Variants in TBCD observed in about 807,000 individuals in gnomAD.
TBCD encodes the protein tubulin-specific chaperone D.
Under a neutral mutation model 169.3 loss-of-function variants are expected in TBCD, and 105 were observed. The ratio of observed to expected loss-of-function variants is 0.62; its 90% CI spans 0.53 to 0.73. The LOEUF (loss-of-function observed/expected upper bound fraction) is 0.73, where lower values mean the gene tolerates loss of function less well. TBCD is among the 30% of genes least tolerant of loss of function. The pLI, the probability that TBCD is intolerant of heterozygous loss-of-function variation, is 0.00. For missense variants in TBCD, 1,444 were observed against 1,600.1 expected (o/e 0.90, Z 1.66); for synonymous variants, 700 against 643.9 (o/e 1.09, Z -1.32).
Position 82,786,957 on chromosome 17 carries a change from C to T in TBCD, c.771+5236C>T, listed in dbSNP as rs559770541. Among the ~76,000 whole-genome samples the T allele has an allele frequency of 1.4e-4, 21 of 151,458 alleles. 2 individuals carry two copies. The South Asian group carries it at 4.2e-3, about 30-fold the overall frequency. ...ATACCCAGAGGGTGGGTGGGCGGGA[C>T]GGCTCGCTGCCCCATTCCCCTCCTA... On this transcript the variant is annotated intron_variant, in intron 7 of 38. Transcript: ENST00000355528.
chr17:82,839,782 C>G (rs1485371679), intron 13 of TBCD: 3 of 152,242 alleles, frequency 2.0e-5, no homozygotes, highest in Non-Finnish European at 4.4e-5. Context: ...AGCCATGCAC[C>G]TGCTGGGTCC....
intron 13 of TBCD, among the ~76,000 whole-genome samples, chr17:82,816,597 A>G (rs922192974): frequency 6.6e-6 from 1 of 151,486 alleles, no homozygotes; most frequent in African/African-American, 2.4e-5. Flanking sequence ...GTGGTGATGC[A>G]ATCTCTGCTC....
intron 22 of TBCD, among the ~76,000 whole-genome samples, chr17:82,909,783 G>A (rs1258526430): frequency 6.6e-6 from 1 of 152,212 alleles, no homozygotes; most frequent in East Asian, 1.9e-4. Context: ...GCGTTTCCTC[G>A]TTCCCAGGAC....
chr17:82,886,967 C>T (rs527563538), intron 15 of TBCD, among the ~76,000 whole-genome samples: 84 of 151,800 alleles, frequency 5.5e-4, no homozygotes, highest in Admixed American at 9.8e-4. Context: ...CTGTGCCTGG[C>T]GGAGATTTAC....
At chr17:82,940,309 T>G (rs898084690) in intron 37 of TBCD, among the ~76,000 whole-genome samples, 1 of 152,000 alleles carries the variant, frequency 6.6e-6, no homozygotes, top group Middle Eastern at 3.2e-3. Context: ...AACCAGAGGC[T>G]GTGTGGGTGT....
rs761646138 is a variant in TBCD, at chr17:82,832,000, G to A, written c.1318+17066G>A. 3.7e-5 allele frequency: 59 copies of A among 1,612,796 alleles called. No homozygotes were observed. The highest frequency in any genetic ancestry group is 5.0e-5 in the Non-Finnish European group (59 of 1,179,034). On this transcript the variant is annotated intron_variant, in intron 13 of 38. Coordinates refer to ENST00000355528, the MANE Select transcript of TBCD (RefSeq NM_005993.5). The surrounding 1 kb of genome is among the most constrained non-coding windows in gnomAD (Gnocchi z 4.6). ...AGAAGGCCGAGCTGCGCCTTCCAGA[G>A]CAGGCTGGGCACCGAGGGCGGCTTC...
chr17:82,924,434 G>C (rs1358250285), intron 26 of TBCD, among the ~76,000 whole-genome samples: 1 of 152,238 alleles, frequency 6.6e-6, no homozygotes, highest in Non-Finnish European at 1.5e-5. Context: ...CTGAAGTTCA[G>C]GCTTGCTTCT....
intron 4 of TBCD, 120 bp from the exon 5 acceptor site, chr17:82,768,299 GC>G: frequency 8.4e-7 from 1 of 1,197,466 alleles, no homozygotes; most frequent in Non-Finnish European, 1.2e-6. Flanking sequence ...GAGGGTGATG[GC>G]ATTTGAATGG....
intron 4 of TBCD, among the ~76,000 whole-genome samples, chr17:82,767,734 A>T (rs1358569580): frequency 6.6e-6 from 1 of 152,108 alleles, no homozygotes; most frequent in Non-Finnish European, 1.5e-5. Flanking sequence ...AGGTGGGCGG[A>T]TCACGAGGTC....
chr17:82,904,740 G>T (rs1268821478), intron 19 of TBCD, among the ~76,000 whole-genome samples: 1 of 152,184 alleles, frequency 6.6e-6, no homozygotes, highest in Non-Finnish European at 1.5e-5. Context: ...TGAACATCCT[G>T]TGGGGGCTCG....
chr17:82,894,533 G>C lies in TBCD; in HGVS notation c.1649+901G>C, dbSNP rs35620750. ...AGGACGTTTCTCCGTCACCAGCCTG[G>C]GCAGAATTTTGAAAATGTAGCATTT... is the stretch of plus-strand genomic sequence containing the variant. On this transcript the variant is annotated intron_variant, in intron 17 of 38. Transcript: ENST00000355528. Among the ~76,000 whole-genome samples the C allele has an allele frequency of 8.3e-3, 1,264 of 152,292 alleles. 3 individuals carry two copies. Among genetic ancestry groups the C allele is most frequent in the Non-Finnish European group, 0.013 (866 of 68,024 alleles).
At chr17:82,847,056 A>G (rs889493162) in intron 13 of TBCD, among the ~76,000 whole-genome samples, 1 of 152,194 alleles carries the variant, frequency 6.6e-6, no homozygotes, top group African/African-American at 2.4e-5. Flanking sequence ...TTGGTTTCTC[A>G]TTAAAAAGAA....
chr17:82,859,966 C>G (rs1047959920), intron 13 of TBCD: 9 of 884,572 alleles, frequency 1.0e-5, no homozygotes, highest in Non-Finnish European at 1.1e-5. Flanking sequence ...TGGTCCTGCT[C>G]TTGGGCTTCA....
At chr17:82,856,007 T>TC (rs2056250440) in intron 13 of TBCD, among the ~76,000 whole-genome samples, 1 of 142,154 alleles carries the variant, frequency 7.0e-6, no homozygotes. Flanking sequence ...TTTTTTTTTT[T>TC]TTTTTTTTTT....
chr17:82,854,913 G>T (rs1051855226), intron 13 of TBCD, among the ~76,000 whole-genome samples: 1 of 152,236 alleles, frequency 6.6e-6, no homozygotes, highest in African/African-American at 2.4e-5. Context: ...GGCCCTGATC[G>T]CATTCATGAA....
At chr17:82,829,993 T>G in intron 13 of TBCD, 2 of 1,139,378 alleles carry the variant, frequency 1.8e-6, no homozygotes, top group Non-Finnish European at 2.4e-6. Flanking sequence ...AATTGGAGGG[T>G]TTTTTGTTTG....
chr17:82,784,185 C>G (rs1276167134), intron 7 of TBCD, among the ~76,000 whole-genome samples: 2 of 152,012 alleles, frequency 1.3e-5, no homozygotes, highest in African/African-American at 4.8e-5. Flanking sequence ...GTACACAACA[C>G]TAGTTTTTAA....
In TBCD at chr17:82,920,615, A is replaced by G. The variant is rs760748975; in HGVS notation, c.2098A>G (p.Ile700Val). The G allele has an allele frequency of 5.9e-5, 92 of 1,550,748 alleles. No homozygotes were observed. Among genetic ancestry groups the G allele is most frequent in the Non-Finnish European group, 7.8e-5 (89 of 1,147,524 alleles). ...AATGCCCTTTAGAGGTGACACCGTA[A>G]TTGGTAAGTGCTTTTGTTTTTAATA... Reference protein sequence around the residue: ...SKMPFRGDTVIDGWQWLINDT... With the variant: ...SKMPFRGDTVVDGWQWLINDT... The change falls in exon 24 of 39, where the codon ATT becomes GTT. Residue 700 changes from isoleucine to valine, a missense_variant. Coordinates refer to ENST00000355528, the MANE Select transcript of TBCD (RefSeq NM_005993.5). This position sits in a 1 kb window ranked among gnomAD's most constrained non-coding sequence, Gnocchi z 4.1.
chr17:82,776,328 G>A (rs1430675492), intron 6 of TBCD, among the ~76,000 whole-genome samples: 1 of 152,184 alleles, frequency 6.6e-6, no homozygotes, highest in African/African-American at 2.4e-5. Context: ...AGGATTGCTT[G>A]AGCCCAGAAG....
Sources: allele counts gnomAD v4.1 joint callset (sites outside exome capture counted in the v4.1 genomes callset), GRCh38; gene constraint gnomAD v4.1.1; non-coding constraint Gnocchi (gnomAD v3.1); transcripts MANE v1.5; gene names NCBI Gene and HGNC (gene_info 2026-07-23, HGNC 2026-07-21).